The following AK4 variants were observed in gnomAD, a reference collection of about 807,000 sequenced individuals.
AK4 encodes the protein adenylate kinase 4, mitochondrial.
AK4 carries 13 observed loss-of-function variants against 24.6 expected under a neutral mutation model. The observed-to-expected ratio is 0.53, with a 90% confidence interval of 0.34 to 0.84. AK4 has a LOEUF of 0.84. AK4 is among the 40% of genes least tolerant of loss of function. The pLI is 0.01. For missense variants in AK4, 192 were observed against 288.2 expected (o/e 0.67, Z 2.42); for synonymous variants, 88 against 107.0 (o/e 0.82, Z 1.10).
At chr1:65,223,989 T>C (rs1652376443) in intron 3 of AK4, among the ~76,000 whole-genome samples, 1 of 134,022 alleles carries the variant, frequency 7.5e-6, no homozygotes, top group Non-Finnish European at 1.6e-5. Context: ...TGAGACTCCG[T>C]CTTAAAATAA....
At chr1:65,181,966 A>C (rs1343909767) in intron 1 of AK4, among the ~76,000 whole-genome samples, 1 of 152,124 alleles carries the variant, frequency 6.6e-6, no homozygotes, top group East Asian at 1.9e-4. Flanking sequence ...CCCAGGCTGG[A>C]GTGCAGTGGC....
intron 3 of AK4, among the ~76,000 whole-genome samples, chr1:65,222,842 T>C (rs2101091799): frequency 6.6e-6 from 1 of 152,356 alleles, no homozygotes. Flanking sequence ...AGTTCTGTTC[T>C]GGCCTACCTT....
intron 1 of AK4, among the ~76,000 whole-genome samples, chr1:65,162,162 C>T (rs1323702826): frequency 6.6e-6 from 1 of 152,024 alleles, no homozygotes; most frequent in Non-Finnish European, 1.5e-5. Flanking sequence ...AGGTGGATCA[C>T]TTGTGCCCAG....
intron 1 of AK4, among the ~76,000 whole-genome samples, chr1:65,170,554 C>T (rs759338067): frequency 2.0e-5 from 3 of 152,188 alleles, no homozygotes; most frequent in Admixed American, 1.3e-4. Context: ...CCAAACAGCA[C>T]GTTTGAAACT....
chr1:65,221,155 G>C (rs929113116), intron 3 of AK4, among the ~76,000 whole-genome samples: 3 of 152,134 alleles, frequency 2.0e-5, no homozygotes, highest in African/African-American at 7.2e-5. Context: ...TTTGGTTTAT[G>C]ATAAAGACTA....
chr1:65,157,687 G>A (rs540095070), intron 1 of AK4, among the ~76,000 whole-genome samples: 7 of 152,214 alleles, frequency 4.6e-5, no homozygotes, highest in Admixed American at 3.9e-4. Flanking sequence ...TACTCGGGAG[G>A]TTGAGGTGGG....
intron 1 of AK4, among the ~76,000 whole-genome samples, chr1:65,149,491 T>C (rs573930271): frequency 1.1e-4 from 17 of 152,298 alleles, no homozygotes; most frequent in Non-Finnish European, 2.2e-4. Flanking sequence ...TGCTGGTAAT[T>C]AGCAACTCCT....
rs1652563744 is a variant in AK4, at chr1:65,229,320, G to C, written c.*3143G>C. 1 of 152,180 alleles carries C rather than the reference G, an allele frequency of 6.6e-6. No homozygotes were observed. Among genetic ancestry groups the C allele is most frequent in the African/African-American group, 2.4e-5 (1 of 41,404 alleles). The allele number at this position is 152,180 out of a possible 1,614,324, so 9.4% of individuals were successfully genotyped here. A position where few individuals can be genotyped will look rare whatever the true frequency, so the allele number is the denominator to read the frequency against. The stretch of plus-strand genomic sequence containing the variant: ...AAGCCATGATGGGAAGGTTGTCGGA[G>C]GCCAAAAGTTCAAGACCAGGCTGGG... On this transcript the variant is annotated 3_prime_UTR_variant, in exon 5 of 5. Coordinates refer to ENST00000327299, the MANE Select transcript of AK4 (RefSeq NM_013410.4).
At chr1:65,159,510 T>G (rs944418231) in intron 1 of AK4, among the ~76,000 whole-genome samples, 1 of 151,434 alleles carries the variant, frequency 6.6e-6, no homozygotes, top group African/African-American at 2.4e-5. Context: ...TAAACAGAGT[T>G]AGCCAGAGTG....
At chr1:65,197,730 C>T (rs1296981548) in intron 2 of AK4, among the ~76,000 whole-genome samples, 5 of 152,174 alleles carry the variant, frequency 3.3e-5, no homozygotes, top group Non-Finnish European at 5.9e-5. Context: ...ATGCTGGAGC[C>T]AGAGTATTTT....
intron 1 of AK4, among the ~76,000 whole-genome samples, chr1:65,182,132 G>A (rs1650929740): frequency 6.6e-6 from 1 of 152,150 alleles, no homozygotes; most frequent in African/African-American, 2.4e-5. Context: ...TGTTGCCCCA[G>A]TTGGTCTCAA....
intron 2 of AK4, among the ~76,000 whole-genome samples, chr1:65,213,836 G>A (rs1332707881): frequency 2.0e-5 from 3 of 152,160 alleles, no homozygotes; most frequent in African/African-American, 7.2e-5. Flanking sequence ...CTGTAAAGAG[G>A]TGATTAACTT....
At chr1:65,184,592 G>A (rs1276251432) in intron 1 of AK4, among the ~76,000 whole-genome samples, 1 of 152,218 alleles carries the variant, frequency 6.6e-6, no homozygotes, top group African/African-American at 2.4e-5. Flanking sequence ...GACCATGTAT[G>A]TGTGTCCACA....
At chr1:65,165,893 A>T (rs527787532) in intron 1 of AK4, 1 of 152,422 alleles carries the variant, frequency 6.6e-6, no homozygotes, top group African/African-American at 2.4e-5. Context: ...AACTTGAATG[A>T]CTGTGCCAGG....
chr1:65,206,386 T>C (rs1184365025), intron 2 of AK4, among the ~76,000 whole-genome samples: 1 of 152,250 alleles, frequency 6.6e-6, no homozygotes, highest in African/African-American at 2.4e-5. Context: ...TACAAATTTC[T>C]TTAGTCTTAA....
intron 1 of AK4, among the ~76,000 whole-genome samples, chr1:65,182,537 T>TTAAAA (rs1174140382): frequency 1.4e-5 from 2 of 145,014 alleles, no homozygotes; most frequent in African/African-American, 5.0e-5. Context: ...GACATTCAGA[T>TTAAAA]AAAAAAAAAA....
intron 3 of AK4, among the ~76,000 whole-genome samples, chr1:65,222,624 G>A (rs1473826215): frequency 6.6e-6 from 1 of 152,138 alleles, no homozygotes; most frequent in East Asian, 1.9e-4. Context: ...TAAAGAAGGT[G>A]GCAATAGAGG....
intron 1 of AK4, among the ~76,000 whole-genome samples, chr1:65,172,855 ATTTTTTTTTT>A (rs11408059): frequency 0.014 from 1,608 of 110,916 alleles, 9 homozygotes; most frequent in Non-Finnish European, 0.019. Flanking sequence ...CCAGCAAGAG[ATTTTTTTTTT>A]TTTTTTTTTT....
At chr1:65,152,327 TCTCTCTCTC>T (rs1649801188) in intron 1 of AK4, among the ~76,000 whole-genome samples, 3 of 29,036 alleles carry the variant, frequency 1.0e-4, no homozygotes, top group East Asian at 1.3e-3. Context: ...TCTCTCTCTC[TCTCTCTCTC>T]TCTCTCTCTC....
Sources: gnomAD v4.1 joint callset for allele counts (sites outside exome capture counted in the v4.1 genomes callset) on GRCh38, gnomAD v4.1.1 for gene constraint, MANE v1.5 for transcripts, NCBI Gene and HGNC (gene_info 2026-07-23, HGNC 2026-07-21) for gene names.